Variants in ING1 observed in about 807,000 individuals in gnomAD.
ING1 encodes the protein inhibitor of growth protein 1.
In ING1, 4 loss-of-function variants were observed where a neutral mutation model predicts 23.1. The observed-to-expected ratio is 0.17, with a 90% CI of 0.09 to 0.40. The LOEUF (loss-of-function observed/expected upper bound fraction) is 0.40. ING1 is among the 10% of genes least tolerant of loss of function. The pLI is 1.00. For synonymous variants in ING1, 179 were observed against 166.4 expected (o/e 1.08, Z -0.58); for missense variants, 256 against 393.8 (o/e 0.65, Z 2.96).
At chr13:110,713,266 A>AG, upstream of ING1, 1 of 1,315,352 alleles carries the variant, frequency 7.6e-7, no homozygotes, top group Non-Finnish European at 9.7e-7. Flanking sequence ...ACGAAGAGTC[A>AG]GGGGCTGAGG....
upstream of ING1, chr13:110,712,892 G>T (rs371787190): frequency 1.6e-5 from 23 of 1,463,756 alleles, no homozygotes; most frequent in Admixed American, 4.3e-4. Context: ...AGTACCGGGA[G>T]ACGACACAAA....
chr13:110,713,904 GCCGGCCGGGGCGTGCGCCC>G lies in ING1; in HGVS notation c.-245_-227del. The G allele has an allele frequency of 2.0e-6, 2 of 980,732 alleles. No homozygotes were observed. Among genetic ancestry groups the G allele is most frequent in the Non-Finnish European group, 2.4e-6 (2 of 828,862 alleles). 60.8% of individuals were successfully genotyped at this position (980,732 alleles called of 1,614,324 possible). A position where few individuals can be genotyped will look rare whatever the true frequency, so the allele number is the denominator to read the frequency against. ...CGCCGCCTGAGAGGGGGCCTGCGCC[GCCGGCCGGGGCGTGCGCCC>G]GGGAGCCACCGCCACCGCGGCCCGC... On this transcript the variant is annotated 5_prime_UTR_variant, in exon 1 of 2. Transcript: ENST00000333219.
rs756633978 is a variant in ING1 at position 110,715,814 on chromosome 13, C to A, written c.136+1529C>A. The A allele has an allele frequency of 3.2e-6, 5 of 1,584,954 alleles. No individual in the cohort carries two copies. In the Admixed American group the frequency reaches 8.9e-5, roughly 28 times the overall value. On this transcript the variant is annotated intron_variant, in intron 1 of 1. Coordinates refer to ENST00000333219, the MANE Select transcript of ING1 (RefSeq NM_198219.3). The stretch of plus-strand genomic sequence containing the variant: ...TGGCTGGAGGCCTGGCGGGTGTCGC[C>A]CCGGCCCCTCTCCCCGCTCAGCCCG...
intron 1 of ING1, among the ~76,000 whole-genome samples, chr13:110,714,627 C>G (rs554489622): frequency 6.6e-6 from 1 of 152,210 alleles, no homozygotes; most frequent in East Asian, 1.9e-4. Context: ...GATTACGGCG[C>G]GAGATGGAGG....
At chr13:110,713,089 C>G, upstream of ING1, 1 of 1,441,730 alleles carries the variant, frequency 6.9e-7, no homozygotes, top group Non-Finnish European at 9.1e-7. Flanking sequence ...TTCCGCCTCC[C>G]GGAGGACTTG....
chr13:110,716,812 G>GT (rs2064127555), intron 1 of ING1, among the ~76,000 whole-genome samples: 2 of 152,224 alleles, frequency 1.3e-5, no homozygotes, highest in South Asian at 4.1e-4. Flanking sequence ...CTGAAGCTGA[G>GT]TTGCTGGCAT....
intron 1 of ING1, chr13:110,715,355 T>G: frequency 1.3e-6 from 2 of 1,483,830 alleles, no homozygotes; most frequent in East Asian, 2.3e-5. Context: ...GCGCGTTCTA[T>G]CCGAGACGTA....
rs1225618383 is a variant in ING1, at chr13:110,713,916, G to A, written c.-234G>A. 1.0e-6 allele frequency: 1 copy of A among 983,182 alleles called. No homozygotes were observed. Among genetic ancestry groups the A allele is most frequent in the Non-Finnish European group, 1.2e-6 (1 of 830,642 alleles). The allele number at this position is 983,182 out of a possible 1,614,324, so 60.9% of individuals were successfully genotyped here. On this transcript the variant is annotated 5_prime_UTR_variant, in exon 1 of 2. It adds an upstream start codon to the 5' untranslated region. Coordinates refer to ENST00000333219, the MANE Select transcript of ING1 (RefSeq NM_198219.3). ...GGGGGCCTGCGCCGCCGGCCGGGGC[G>A]TGCGCCCGGGAGCCACCGCCACCGC... is the stretch of plus-strand genomic sequence containing the variant.
chr13:110,716,099 G>C, intron 1 of ING1: 1 of 1,336,016 alleles, frequency 7.5e-7, no homozygotes, highest in East Asian at 2.6e-5. Flanking sequence ...GGCCCCGTGG[G>C]GTGACCCTGG....
At chr13:110,715,426 C>G in intron 1 of ING1, 1 of 1,561,974 alleles carries the variant, frequency 6.4e-7, no homozygotes, top group Non-Finnish European at 8.7e-7. Flanking sequence ...CGCCTCAGCC[C>G]CCCAGTAGTT....
Position 110,723,144 on chromosome 13 carries a change from T to A in ING1, c.*3212T>A, listed in dbSNP as rs2064181718. On this transcript the variant is annotated 3_prime_UTR_variant, in exon 2 of 2. Transcript: ENST00000333219. ...TGTTCAAGGAAGTGTTGAGCAGCCA[T>A]GGTGTTCCTGGGACAGGCTCCCCAG... 6.6e-6 allele frequency: 1 copy of A among 152,216 alleles called. No individual in the cohort carries two copies. Among genetic ancestry groups the A allele is most frequent in the African/African-American group, 2.4e-5 (1 of 41,458 alleles). The allele number at this position is 152,216 out of a possible 1,614,324, so 9.4% of individuals were successfully genotyped here.
intron 1 of ING1, chr13:110,715,295 T>C: frequency 7.3e-7 from 1 of 1,378,614 alleles, no homozygotes. Context: ...AAAAAAAAAT[T>C]GACCGCTATC....
At chr13:110,715,922 T>A in intron 1 of ING1, 1 of 1,568,136 alleles carries the variant, frequency 6.4e-7, no homozygotes. Flanking sequence ...TCGGACCGCC[T>A]CCCGCGACCC....
upstream of ING1, chr13:110,712,939 G>C (rs530505061): frequency 6.4e-7 from 1 of 1,558,318 alleles, no homozygotes; most frequent in Admixed American, 1.9e-5. Context: ...CGCGGGAGCC[G>C]CCTAGGCTGC....
At chr13:110,715,862 T>C (rs1369668119) in intron 1 of ING1, 3 of 1,593,232 alleles carry the variant, frequency 1.9e-6, no homozygotes, top group Admixed American at 3.5e-5. Flanking sequence ...CGCGGATTTA[T>C]AGCAGTAGCA....
chr13:110,713,045 C>T (rs780995694), upstream of ING1: 40 of 1,468,494 alleles, frequency 2.7e-5, no homozygotes, highest in Non-Finnish European at 3.5e-5. Flanking sequence ...GCGCATGCGC[C>T]GCCACTTCCG....
chr13:110,721,592 T>TTTTTA lies in ING1; in HGVS notation c.*1660_*1661insTTTTA, dbSNP rs2064172472. 1 of 144,598 alleles carries TTTTTA rather than the reference T, an allele frequency of 6.9e-6. No individual in the cohort carries two copies. Among genetic ancestry groups the TTTTTA allele is most frequent in the Non-Finnish European group, 1.5e-5 (1 of 66,432 alleles). 9.0% of individuals were successfully genotyped at this position (144,598 alleles called of 1,614,324 possible). On this transcript the variant is annotated 3_prime_UTR_variant, in exon 2 of 2. Coordinates refer to ENST00000333219, the MANE Select transcript of ING1 (RefSeq NM_198219.3). ...TTTCATTTTTTTTTTTTTTTTTTTT[T>TTTTTA]CTGAGATGGAGTCTCACTCTGTCTC...
intron 1 of ING1, chr13:110,716,012 A>AGTGACTGGGG (rs1254405653): frequency 6.7e-7 from 1 of 1,500,150 alleles, no homozygotes; most frequent in African/African-American, 1.4e-5. Context: ...TGGAAACGTG[A>AGTGACTGGGG]GTGACTGGGG....
intron 1 of ING1, among the ~76,000 whole-genome samples, chr13:110,718,677 GA>G (rs1437718473): frequency 1.3e-5 from 2 of 151,714 alleles, no homozygotes; most frequent in Admixed American, 1.3e-4. Flanking sequence ...TTAAAATAAA[GA>G]AAATAAAGAC....
Sources: gnomAD v4.1 joint callset for allele counts (sites outside exome capture counted in the v4.1 genomes callset) on GRCh38, gnomAD v4.1.1 for gene constraint, MANE v1.5 for transcripts, NCBI Gene and HGNC (gene_info 2026-07-23, HGNC 2026-07-21) for gene names.